STK32A: variants seen among roughly 807,000 people sequenced by gnomAD.
The protein encoded by STK32A is serine/threonine kinase 32A, also known as serine/threonine-protein kinase 32A.
In STK32A, 41 loss-of-function variants were observed where a neutral mutation model predicts 53.2. The observed-to-expected ratio is 0.77, with a 90% CI of 0.60 to 1.00. The LOEUF (loss-of-function observed/expected upper bound fraction) is 1.00, where lower values mean the gene tolerates loss of function less well. Ranked by LOEUF, STK32A falls within the 50% of genes least tolerant of loss-of-function variation. The pLI is 0.00. For missense variants in STK32A, 458 were observed against 485.8 expected (o/e 0.94, Z 0.54); for synonymous variants, 166 against 162.8 (o/e 1.02, Z -0.15).
At chr5:147,281,541 C>T (rs556112414) in intron 4 of STK32A, among the ~76,000 whole-genome samples, 2 of 152,014 alleles carry the variant, frequency 1.3e-5, no homozygotes, top group South Asian at 4.2e-4. Flanking sequence ...CAAATTAACC[C>T]AATCAAACAA....
chr5:147,320,501 T>C (rs546604929), intron 4 of STK32A, among the ~76,000 whole-genome samples: 16 of 152,342 alleles, frequency 1.1e-4, no homozygotes, highest in East Asian at 9.6e-4. Flanking sequence ...TTTCAGGCAG[T>C]GTACAGGTAC....
At chr5:147,308,525 CT>C (rs1381682920) in intron 4 of STK32A, among the ~76,000 whole-genome samples, 1 of 152,072 alleles carries the variant, frequency 6.6e-6, no homozygotes, top group Admixed American at 6.6e-5. Flanking sequence ...TCAATCTTGC[CT>C]TTTCTTTCCA....
the STK32A span, among the ~76,000 whole-genome samples, chr5:147,397,107 T>G: frequency 6.7e-6 from 1 of 148,376 alleles, no homozygotes; most frequent in African/African-American, 2.4e-5. Context: ...AATATATATT[T>G]AATTTCTCTG....
At chr5:147,345,218 A>G (rs1755625770) in intron 6 of STK32A, among the ~76,000 whole-genome samples, 1 of 152,182 alleles carries the variant, frequency 6.6e-6, no homozygotes, top group East Asian at 1.9e-4. Flanking sequence ...GGATCAAAAG[A>G]ATACTTACTT....
chr5:147,255,039 C>T (rs893882598), intron 2 of STK32A, among the ~76,000 whole-genome samples: 1 of 152,236 alleles, frequency 6.6e-6, no homozygotes, highest in East Asian at 1.9e-4. Flanking sequence ...ACTCAGGAGG[C>T]TGAGGCGGGA....
intron 3 of STK32A, among the ~76,000 whole-genome samples, chr5:147,278,835 T>C (rs1368329877): frequency 6.6e-6 from 1 of 152,232 alleles, no homozygotes; most frequent in African/African-American, 2.4e-5. Context: ...AAAGTCCTTT[T>C]TGGTTATATC....
chr5:147,266,769 A>G (rs1348007507), intron 2 of STK32A, among the ~76,000 whole-genome samples: 1 of 152,116 alleles, frequency 6.6e-6, no homozygotes, highest in Non-Finnish European at 1.5e-5. Context: ...TCATACCTGT[A>G]ATCCCAGCAC....
At chr5:147,269,465 G>A (rs1180555654) in intron 2 of STK32A, among the ~76,000 whole-genome samples, 2 of 152,174 alleles carry the variant, frequency 1.3e-5, no homozygotes, top group South Asian at 2.1e-4. Flanking sequence ...TCTCTGGACT[G>A]GAAAGCAGAA....
At chr5:147,375,293 G>A (rs1340197311) in intron 11 of STK32A, 75 bp downstream of exon 11, 1 of 1,529,322 alleles carries the variant, frequency 6.5e-7, no homozygotes, top group Non-Finnish European at 8.8e-7. Flanking sequence ...AGCTTCTACT[G>A]GGAGGTCATT....
chr5:147,261,169 G>A (rs1754551824), intron 2 of STK32A, among the ~76,000 whole-genome samples: 1 of 152,138 alleles, frequency 6.6e-6, no homozygotes, highest in African/African-American at 2.4e-5. Flanking sequence ...CCCCAGAGGG[G>A]AATGCAATCC....
chr5:147,369,990 T>A (rs1361792235), intron 8 of STK32A, among the ~76,000 whole-genome samples: 2 of 152,194 alleles, frequency 1.3e-5, no homozygotes, highest in African/African-American at 4.8e-5. Flanking sequence ...ATCCACAGTT[T>A]TCTTTTGTTT....
intron 2 of STK32A, among the ~76,000 whole-genome samples, chr5:147,250,477 C>T (rs1753937856): frequency 1.3e-5 from 2 of 152,174 alleles, no homozygotes; most frequent in South Asian, 4.1e-4. Flanking sequence ...TCCAGTTCAA[C>T]ACTACTCTTG....
intron 2 of STK32A, among the ~76,000 whole-genome samples, chr5:147,250,201 G>A (rs991794289): frequency 6.6e-6 from 1 of 152,082 alleles, no homozygotes; most frequent in Non-Finnish European, 1.5e-5. Context: ...CTCACATACA[G>A]TCTAGAGTTC....
chr5:147,258,131 T>C (rs1033616349), intron 2 of STK32A, among the ~76,000 whole-genome samples: 1 of 115,450 alleles, frequency 8.7e-6, no homozygotes, highest in Non-Finnish European at 1.9e-5. Context: ...GACCATAATG[T>C]ATGATTCTTA....
At chr5:147,247,326 G>A (rs998249851) in intron 2 of STK32A, among the ~76,000 whole-genome samples, 4 of 152,112 alleles carry the variant, frequency 2.6e-5, no homozygotes, top group Admixed American at 6.5e-5. Flanking sequence ...TGGAAGTTTC[G>A]TTTGGAAACA....
At chr5:147,380,713 T>A (rs886864155) in intron 11 of STK32A, among the ~76,000 whole-genome samples, 1 of 152,138 alleles carries the variant, frequency 6.6e-6, no homozygotes, top group African/African-American at 2.4e-5. Context: ...TGCAAGAAAG[T>A]CACAAATAAA....
At chr5:147,356,413 T>C (rs1756241452) in intron 7 of STK32A, among the ~76,000 whole-genome samples, 1 of 152,204 alleles carries the variant, frequency 6.6e-6, no homozygotes, top group African/African-American at 2.4e-5. Flanking sequence ...GTATATATAG[T>C]ACTATTGTTA....
intron 8 of STK32A, among the ~76,000 whole-genome samples, chr5:147,364,728 C>T (rs557043434): frequency 6.6e-6 from 1 of 152,144 alleles, no homozygotes; most frequent in African/African-American, 2.4e-5. Context: ...TCTTTCTCTT[C>T]TTTTTGTAAT....
chr5:147,299,129 A>G (rs1367014199), intron 4 of STK32A, among the ~76,000 whole-genome samples: 1 of 152,230 alleles, frequency 6.6e-6, no homozygotes. Flanking sequence ...TGGCTACTCC[A>G]TAGACAGAGC....
Sources: allele counts gnomAD v4.1 joint callset (sites outside exome capture counted in the v4.1 genomes callset), GRCh38; gene constraint gnomAD v4.1.1; transcripts MANE v1.5; gene names NCBI Gene and HGNC (gene_info 2026-07-23, HGNC 2026-07-21).